CTNNA3: variants seen among roughly 807,000 people sequenced by gnomAD.
CTNNA3 encodes catenin alpha-3.
A neutral mutation model predicts 95.7 loss-of-function variants in CTNNA3; 76 were observed. The ratio of observed to expected loss-of-function variants is 0.79; its 90% CI spans 0.66 to 0.96. The LOEUF (loss-of-function observed/expected upper bound fraction) is 0.96, where lower values mean the gene tolerates loss of function less well. Among genes scored for constraint, CTNNA3 ranks in the 40% least tolerant of loss-of-function variants. The pLI, the probability that CTNNA3 is intolerant of heterozygous loss-of-function variation, is 0.00. For missense variants in CTNNA3, 1,191 were observed against 1,089.8 expected, an observed-to-expected ratio of 1.09 and a Z score of -1.31; for synonymous variants, 431 against 374.4, an observed-to-expected ratio of 1.15 and a Z score of -1.74.
At chr10:67,728,977 T>C (rs193117549) in intron 1 of CTNNA3, among the ~76,000 whole-genome samples, 3 of 152,284 alleles carry the variant, frequency 2.0e-5, no homozygotes, top group African/African-American at 7.2e-5. Flanking sequence ...AAAGCTTCCA[T>C]ATTAATTTCT....
intron 5 of CTNNA3, among the ~76,000 whole-genome samples, chr10:67,250,582 T>C (rs1001519036): frequency 6.6e-6 from 1 of 152,110 alleles, no homozygotes; most frequent in African/African-American, 2.4e-5. Context: ...TACCTGGGTA[T>C]ACCTGAGGGT....
rs560199253 is a variant in CTNNA3 at position 67,452,685 on chromosome 10, A to C, written c.579+69157T>G. Reference sequence around the variant, plus strand: ...TGTGGCACATGCTTTGAAAATTCAGATATGTCCAGGAGGAGCGGAGGGTTC... The same window carrying C: ...TGTGGCACATGCTTTGAAAATTCAGCTATGTCCAGGAGGAGCGGAGGGTTC... On this transcript the variant is annotated intron_variant, in intron 5 of 17. Transcript: ENST00000433211. Among the ~76,000 whole-genome samples the C allele has an allele frequency of 6.6e-5, 10 of 152,308 alleles. 1 individual carries two copies. In the South Asian group the frequency reaches 2.1e-3, roughly 32 times the overall value.
intron 15 of CTNNA3, among the ~76,000 whole-genome samples, chr10:66,063,419 A>G (rs189320501): frequency 6.6e-6 from 1 of 151,010 alleles, no homozygotes. Flanking sequence ...GGCTTCTCAT[A>G]TTCCACAGAT....
At chr10:67,279,067 T>A (rs1564531081) in intron 5 of CTNNA3, among the ~76,000 whole-genome samples, 1 of 152,154 alleles carries the variant, frequency 6.6e-6, no homozygotes, top group East Asian at 1.9e-4. Flanking sequence ...TGTTGAGTCC[T>A]GAGTTGTTTA....
At chr10:66,274,760 C>T (rs140856044) in intron 13 of CTNNA3, among the ~76,000 whole-genome samples, 1 of 151,988 alleles carries the variant, frequency 6.6e-6, no homozygotes, top group Non-Finnish European at 1.5e-5. Context: ...CTCAAATGAT[C>T]GGTTTTCATA....
rs1251222416 is a variant in CTNNA3, at chr10:67,127,075, ATTTC to A, written c.1047+53238_1047+53241del. ...AAACACTAAACACTCATTTCTATGT[ATTTC>A]TTTATTTCCTCATGAAGAAATAATT... On this transcript the variant is annotated intron_variant, in intron 7 of 17. Transcript: ENST00000433211. Among the ~76,000 whole-genome samples the A allele has an allele frequency of 2.6e-5, 4 of 152,230 alleles. No homozygotes were observed. The East Asian group carries it at 7.7e-4, about 29-fold the overall frequency.
chr10:66,715,739 C>T (rs2394299), intron 9 of CTNNA3, among the ~76,000 whole-genome samples: 35,705 of 151,896 alleles, frequency 0.24, 5,551 homozygotes, highest in East Asian at 0.56. Context: ...CATAAACACA[C>T]ATGTGTTCCA....
At chr10:66,543,905 GTGTGTGTATA>G (rs1255068469) in intron 10 of CTNNA3, among the ~76,000 whole-genome samples, 1,316 of 101,888 alleles carry the variant, frequency 0.013, 5 homozygotes, top group African/African-American at 0.015. Flanking sequence ...TGAGATGTGT[GTGTGTGTATA>G]TATATATATA....
chr10:67,176,891 G>A, intron 7 of CTNNA3: 1 of 486,452 alleles, frequency 2.1e-6, no homozygotes. Context: ...CAAAAATAAT[G>A]GACTCTTCCC....
intron 1 of CTNNA3, 45 bp from the exon 2 acceptor site, chr10:67,647,563 T>C: frequency 6.7e-7 from 1 of 1,493,640 alleles, no homozygotes; most frequent in Non-Finnish European, 9.3e-7. Flanking sequence ...AGAAAACTGT[T>C]TTCTAAAGAA....
intron 7 of CTNNA3, among the ~76,000 whole-genome samples, chr10:66,916,617 A>G (rs1029745765): frequency 6.6e-6 from 1 of 152,240 alleles, no homozygotes; most frequent in Non-Finnish European, 1.5e-5. Context: ...AGCCATTATC[A>G]GCTAATACCA....
intron 13 of CTNNA3, among the ~76,000 whole-genome samples, chr10:66,228,509 A>T (rs2089433787): frequency 6.6e-6 from 1 of 151,914 alleles, no homozygotes; most frequent in Admixed American, 6.6e-5. Context: ...TGTTTATTTC[A>T]TTGTTATTTT....
At chr10:67,488,912 T>C (rs1011994843) in intron 5 of CTNNA3, among the ~76,000 whole-genome samples, 3 of 152,106 alleles carry the variant, frequency 2.0e-5, no homozygotes, top group African/African-American at 7.2e-5. Context: ...ATTCTTGTAT[T>C]TTTAGTAGAG....
intron 7 of CTNNA3, among the ~76,000 whole-genome samples, chr10:66,878,662 C>T (rs1200530790): frequency 6.6e-6 from 1 of 152,096 alleles, no homozygotes; most frequent in Non-Finnish European, 1.5e-5. Flanking sequence ...ATCACAGTCT[C>T]CTCCCACAAT....
At chr10:66,010,919 A>G (rs1040603781) in intron 15 of CTNNA3, among the ~76,000 whole-genome samples, 1 of 152,150 alleles carries the variant, frequency 6.6e-6, no homozygotes, top group Non-Finnish European at 1.5e-5. Flanking sequence ...TCAACCAACT[A>G]AGAAGAGATT....
chr10:66,777,270 C>T (rs1336601668), intron 7 of CTNNA3, among the ~76,000 whole-genome samples: 2 of 151,906 alleles, frequency 1.3e-5, no homozygotes, highest in East Asian at 1.9e-4. Flanking sequence ...CAAAAATTGG[C>T]ACCACATATG....
intron 2 of CTNNA3, among the ~76,000 whole-genome samples, chr10:67,622,405 T>A (rs1230598009): frequency 6.6e-6 from 1 of 152,130 alleles, no homozygotes; most frequent in East Asian, 1.9e-4. Context: ...AGATAAAGTA[T>A]TAACAGAAAC....
intron 13 of CTNNA3, among the ~76,000 whole-genome samples, chr10:66,116,351 C>T (rs1222330126): frequency 6.6e-6 from 1 of 152,006 alleles, no homozygotes; most frequent in African/African-American, 2.4e-5. Context: ...TATATACACA[C>T]CATAGAATCT....
intron 8 of CTNNA3, 78 bp from the exon 9 acceptor site, chr10:66,766,494 A>G: frequency 7.9e-7 from 1 of 1,271,082 alleles, no homozygotes; most frequent in African/African-American, 1.5e-5. Flanking sequence ...CAATCTCAGT[A>G]GTTACACAAC....
Sources: gnomAD v4.1 joint callset for allele counts (sites outside exome capture counted in the v4.1 genomes callset) on GRCh38, gnomAD v4.1.1 for gene constraint, MANE v1.5 for transcripts, NCBI Gene and HGNC (gene_info 2026-07-23, HGNC 2026-07-21) for gene names.